SEMA6A: variants seen among roughly 807,000 people sequenced by gnomAD.
SEMA6A encodes semaphorin-6A.
A neutral mutation model predicts 96.8 loss-of-function variants in SEMA6A; 25 were observed. The ratio of observed to expected loss-of-function variants is 0.26; its 90% CI spans 0.19 to 0.36. SEMA6A has a LOEUF of 0.36. Among genes scored for constraint, SEMA6A ranks in the 10% least tolerant of loss-of-function variants. SEMA6A has a pLI of 1.00. For synonymous variants in SEMA6A, 612 were observed against 518.0 expected (o/e 1.18, Z -2.46); for missense variants, 1,363 against 1,323.1 (o/e 1.03, Z -0.47).
At chr5:116,500,129 CAG>C (rs1384002036) in intron 3 of SEMA6A, among the ~76,000 whole-genome samples, 2 of 152,188 alleles carry the variant, frequency 1.3e-5, no homozygotes, top group African/African-American at 4.8e-5. Context: ...GGTATTCTAT[CAG>C]AGAGGTGACT....
At position 116,477,936 on chromosome 5, in the gene SEMA6A, G is replaced by A. The variant is rs374301388; in HGVS notation, c.1569-10C>T. The A allele has an allele frequency of 6.2e-7, 1 of 1,613,864 alleles. No homozygotes were observed. The highest frequency in any genetic ancestry group is 1.3e-5 in the African/African-American group (1 of 74,938). The stretch of plus-strand genomic sequence containing the variant: ...GGAGGCAATACAGGTTCTGCAGGAA[G>A]AGGATGACCATGAGCTACCTAGGAC... On this transcript the variant is annotated splice_polypyrimidine_tract_variant and intron_variant, in intron 14 of 18. Transcript: ENST00000343348.
intron 11 of SEMA6A, 59 bp downstream of exon 11, chr5:116,482,385 G>A: frequency 1.9e-6 from 3 of 1,555,178 alleles, no homozygotes; most frequent in South Asian, 2.4e-5. Context: ...TTCATTATCA[G>A]AGGTGCAAGC....
intron 18 of SEMA6A, among the ~76,000 whole-genome samples, chr5:116,454,214 A>C (rs1231486025): frequency 6.6e-6 from 1 of 152,192 alleles, no homozygotes; most frequent in Non-Finnish European, 1.5e-5. Flanking sequence ...AGGAGGATGG[A>C]CATTTCCTCC....
chr5:116,567,411 C>G (rs537709707), intron 1 of SEMA6A, among the ~76,000 whole-genome samples: 1 of 152,110 alleles, frequency 6.6e-6, no homozygotes, highest in African/African-American at 2.4e-5. Flanking sequence ...AATAAAAGTA[C>G]TATCTGCTTT....
intron 7 of SEMA6A, among the ~76,000 whole-genome samples, chr5:116,490,333 A>G (rs923010356): frequency 1.7e-4 from 26 of 152,174 alleles, no homozygotes; most frequent in African/African-American, 5.5e-4. Flanking sequence ...TATGTATTCT[A>G]TATTCCTATA....
chr5:116,455,860 G>A (rs547275858), intron 18 of SEMA6A, among the ~76,000 whole-genome samples: 1 of 152,254 alleles, frequency 6.6e-6, no homozygotes, highest in African/African-American at 2.4e-5. Context: ...GTGACTTTGG[G>A]TATGTCACTC....
rs150866274 is a variant in SEMA6A at position 116,481,567 on chromosome 5, G to A, written c.1094+877C>T. Among the ~76,000 whole-genome samples, 60 of 152,236 alleles carry A rather than the reference G, an allele frequency of 3.9e-4. No individual in the cohort carries two copies. In the East Asian group the frequency reaches 8.9e-3, roughly 23 times the overall value. On this transcript the variant is annotated intron_variant, in intron 11 of 18. Coordinates refer to ENST00000343348, the MANE Select transcript of SEMA6A (RefSeq NM_020796.5). Reference sequence around the variant, plus strand: ...TGTTGTGGGGAGGACTGGAGGTTGCGGAAGAGAGTTGAAAAACAAAAAAAT... The same window carrying A: ...TGTTGTGGGGAGGACTGGAGGTTGCAGAAGAGAGTTGAAAAACAAAAAAAT...
At chr5:116,474,960 C>T (rs1756376188) in intron 16 of SEMA6A, among the ~76,000 whole-genome samples, 2 of 152,100 alleles carry the variant, frequency 1.3e-5, no homozygotes, top group African/African-American at 2.4e-5. Flanking sequence ...TAAAATGTTA[C>T]CATTTAATAA....
intron 1 of SEMA6A, among the ~76,000 whole-genome samples, chr5:116,518,875 C>T (rs1446874149): frequency 6.6e-6 from 1 of 152,114 alleles, no homozygotes; most frequent in Admixed American, 6.5e-5. Flanking sequence ...AACACATGAA[C>T]GTCTTTCAAA....
intron 1 of SEMA6A, among the ~76,000 whole-genome samples, chr5:116,520,149 C>A (rs1325382813): frequency 6.6e-6 from 1 of 152,120 alleles, no homozygotes; most frequent in Admixed American, 6.6e-5. Flanking sequence ...CTCATTCCTG[C>A]CTCATGGACT....
At chr5:116,523,303 G>A (rs1177027324) in intron 1 of SEMA6A, among the ~76,000 whole-genome samples, 1 of 151,962 alleles carries the variant, frequency 6.6e-6, no homozygotes, top group Non-Finnish European at 1.5e-5. Flanking sequence ...GTCTTACTGG[G>A]GTGGGAGACA....
chr5:116,500,475 T>G (rs148734229), intron 3 of SEMA6A, among the ~76,000 whole-genome samples: 28 of 152,372 alleles, frequency 1.8e-4, no homozygotes, highest in African/African-American at 6.7e-4. Flanking sequence ...GTGAATTGTA[T>G]GTGCAGAGCA....
In SEMA6A at chr5:116,495,171, AG is replaced by A. The variant is rs533488722; in HGVS notation, c.444+241del. 4.1e-3 allele frequency among the ~76,000 whole-genome samples: 628 copies of A among 152,318 alleles called. 5 individuals carry two copies. Among genetic ancestry groups the A allele is most frequent in the African/African-American group, 0.014 (582 of 41,572 alleles). On this transcript the variant is annotated intron_variant, in intron 6 of 18. Coordinates refer to ENST00000343348, the MANE Select transcript of SEMA6A (RefSeq NM_020796.5). ...GTCAGTCTTCTGAACAATAGAGAAA[AG>A]GGTCTTACAGAAACTAACTTTGCTA...
At chr5:116,478,498 G>A (rs1338541641) in intron 13 of SEMA6A, 44 bp downstream of exon 13, 2 of 1,529,426 alleles carry the variant, frequency 1.3e-6, no homozygotes, top group African/African-American at 2.7e-5. Context: ...GGCCATAATA[G>A]CATAACAAAT....
At chr5:116,500,308 G>C (rs905683689) in intron 3 of SEMA6A, among the ~76,000 whole-genome samples, 1 of 152,148 alleles carries the variant, frequency 6.6e-6, no homozygotes, top group African/African-American at 2.4e-5. Flanking sequence ...AGACCATCCT[G>C]GTTCAAATCC....
Position 116,488,881 on chromosome 5 carries a change from T to A in SEMA6A, c.655+7A>T, listed in dbSNP as rs1314753694. 1 of 1,557,912 alleles carries A rather than the reference T, an allele frequency of 6.4e-7. No homozygotes were observed. The highest frequency in any genetic ancestry group is 2.4e-5 in the East Asian group (1 of 42,048). On this transcript the variant is annotated splice_region_variant and intron_variant, in intron 8 of 18. Coordinates refer to ENST00000343348, the MANE Select transcript of SEMA6A (RefSeq NM_020796.5). ...TCCGACCCTCCTTCTTTTAATTGTT[T>A]GTTCACCTTTCAACCATTTTGAATC...
Position 116,574,422 on chromosome 5 carries a change from A to C in SEMA6A, c.-276T>G, listed in dbSNP as rs1761376874. On this transcript the variant is annotated 5_prime_UTR_variant, in exon 1 of 19. Transcript: ENST00000343348. ...TCTCCAATGACGAGCGGAGAAGGGGAGAGGAAAAAAGAAGCCAAAAAAAAA... is the reference window on the plus strand; with the variant it reads ...TCTCCAATGACGAGCGGAGAAGGGGCGAGGAAAAAAGAAGCCAAAAAAAAA... 6.6e-6 allele frequency: 1 copy of C among 151,488 alleles called. No individual in the cohort carries two copies. Among genetic ancestry groups the C allele is most frequent in the Admixed American group, 6.6e-5 (1 of 15,230 alleles). The allele number at this position is 151,488 out of a possible 1,614,324, so 9.4% of individuals were successfully genotyped here.
chr5:116,559,617 T>C (rs563720049), intron 1 of SEMA6A, among the ~76,000 whole-genome samples: 1 of 152,274 alleles, frequency 6.6e-6, no homozygotes, highest in African/African-American at 2.4e-5. Flanking sequence ...CAACTAGGTG[T>C]TGGACTTTGG....
At chr5:116,545,412 A>G (rs1205234831) in intron 1 of SEMA6A, among the ~76,000 whole-genome samples, 4 of 152,150 alleles carry the variant, frequency 2.6e-5, no homozygotes, top group African/African-American at 9.7e-5. Flanking sequence ...TCTACTAAAA[A>G]TACAAAAATT....
Sources: gnomAD v4.1 joint callset for allele counts (sites outside exome capture counted in the v4.1 genomes callset) on GRCh38, gnomAD v4.1.1 for gene constraint, MANE v1.5 for transcripts, NCBI Gene and HGNC (gene_info 2026-07-23, HGNC 2026-07-21) for gene names.